Variants in TMEM132D observed in about 807,000 individuals in gnomAD.
TMEM132D encodes the protein transmembrane protein 132D.
In TMEM132D, 21 loss-of-function variants were observed where a neutral mutation model predicts 62.3. The observed-to-expected ratio is 0.34, with a 90% CI of 0.24 to 0.49. The LOEUF (loss-of-function observed/expected upper bound fraction) is 0.49. Ranked by LOEUF, TMEM132D falls within the 20% of genes least tolerant of loss-of-function variation. The probability of loss-of-function intolerance (pLI) is 0.99; values close to 1 mark genes in which losing one functional copy is unlikely to be tolerated. For synonymous variants in TMEM132D, 621 were observed against 575.6 expected (o/e 1.08, Z -1.13); for missense variants, 1,346 against 1,402.8 (o/e 0.96, Z 0.65).
chr12:129,090,463 G>A (rs1304893824), intron 5 of TMEM132D, among the ~76,000 whole-genome samples: 4 of 152,110 alleles, frequency 2.6e-5, no homozygotes, highest in Non-Finnish European at 5.9e-5. Flanking sequence ...TCAGGAGTTC[G>A]AGACCAGCCT....
At position 129,298,976 on chromosome 12, in the gene TMEM132D, C is replaced by G. The variant is rs78120238; in HGVS notation, c.1299+38658G>C. ...GCTTTTGCCATTCAAAACACTTGTT[C>G]TATTAAGAACTTTGATGTCAGAACC... On this transcript the variant is annotated intron_variant, in intron 4 of 8. Transcript: ENST00000422113. 9.2e-3 allele frequency among the ~76,000 whole-genome samples: 1,397 copies of G among 152,310 alleles called. 29 individuals carry two copies. The highest frequency in any genetic ancestry group is 0.032 in the African/African-American group (1,310 of 41,572).
At chr12:129,691,409 A>G (rs1014571431) in intron 2 of TMEM132D, among the ~76,000 whole-genome samples, 4 of 152,024 alleles carry the variant, frequency 2.6e-5, no homozygotes, top group Non-Finnish European at 5.9e-5. Flanking sequence ...TTCTTTGAAA[A>G]TATCAATAAA....
intron 2 of TMEM132D, among the ~76,000 whole-genome samples, chr12:129,616,262 C>T (rs940780943): frequency 7.9e-5 from 12 of 152,108 alleles, no homozygotes; most frequent in South Asian, 2.1e-4. Flanking sequence ...GATGCATCAG[C>T]GCCCCAATCT....
intron 5 of TMEM132D, among the ~76,000 whole-genome samples, chr12:129,164,337 C>T (rs1402414984): frequency 1.3e-5 from 2 of 152,212 alleles, no homozygotes; most frequent in Non-Finnish European, 2.9e-5. Context: ...AGGCTTGTCC[C>T]CAACAATGTG....
At chr12:129,173,291 GA>G (rs1379207149) in intron 5 of TMEM132D, among the ~76,000 whole-genome samples, 1 of 152,140 alleles carries the variant, frequency 6.6e-6, no homozygotes, top group Non-Finnish European at 1.5e-5. Flanking sequence ...TTGGATATAA[GA>G]AAAGTCTTCA....
At chr12:129,713,197 C>T (rs1366787251) in intron 1 of TMEM132D, among the ~76,000 whole-genome samples, 1 of 152,098 alleles carries the variant, frequency 6.6e-6, no homozygotes, top group African/African-American at 2.4e-5. Flanking sequence ...GCTCTAGGGG[C>T]CCAACCTCCA....
intron 2 of TMEM132D, among the ~76,000 whole-genome samples, chr12:129,600,997 C>G (rs1279739973): frequency 2.6e-5 from 4 of 152,142 alleles, no homozygotes; most frequent in Admixed American, 2.6e-4. Context: ...GACTTCTCCT[C>G]TCTAGCTATG....
chr12:129,854,544 G>A (rs1873654567), intron 1 of TMEM132D: 1 of 152,194 alleles, frequency 6.6e-6, no homozygotes, highest in African/African-American at 2.4e-5. Context: ...TCATGAAAGA[G>A]TGAGAAAAAA....
intron 5 of TMEM132D, among the ~76,000 whole-genome samples, chr12:129,192,586 A>T (rs2135557118): frequency 6.6e-6 from 1 of 152,296 alleles, no homozygotes; most frequent in Middle Eastern, 3.4e-3. Context: ...ATATAATCTC[A>T]AATTTAGGGT....
At chr12:129,669,481 G>T (rs1214474076) in intron 2 of TMEM132D, among the ~76,000 whole-genome samples, 1 of 152,160 alleles carries the variant, frequency 6.6e-6, no homozygotes, top group Non-Finnish European at 1.5e-5. Context: ...GAGGTGGGCA[G>T]ATCACCTGAG....
chr12:129,717,865 G>T (rs1397352113), intron 1 of TMEM132D, among the ~76,000 whole-genome samples: 1 of 152,146 alleles, frequency 6.6e-6, no homozygotes, highest in Admixed American at 6.5e-5. Flanking sequence ...TTCAAGTTGT[G>T]AATGTCTCAA....
At chr12:129,615,795 C>CAAAATAAAATAAAAT (rs767430381) in intron 2 of TMEM132D, among the ~76,000 whole-genome samples, 336 of 139,112 alleles carry the variant, frequency 2.4e-3, no homozygotes, top group African/African-American at 5.1e-3. Flanking sequence ...CAAAACAAAA[C>CAAAATAAAATAAAAT]AAAATAAAAT....
intron 4 of TMEM132D, among the ~76,000 whole-genome samples, chr12:129,300,422 C>T (rs1214656510): frequency 6.6e-6 from 1 of 152,184 alleles, no homozygotes; most frequent in African/African-American, 2.4e-5. Flanking sequence ...TCACTGAGCA[C>T]CCACCTAACT....
chr12:129,739,575 C>T (rs116957589), intron 1 of TMEM132D, among the ~76,000 whole-genome samples: 1,608 of 152,292 alleles, frequency 0.011, 10 homozygotes, highest in Middle Eastern at 0.027. Context: ...GGTATCTAAT[C>T]AAAATTCCTT....
At chr12:129,703,608 A>C (rs1277757101) in intron 1 of TMEM132D, among the ~76,000 whole-genome samples, 1 of 152,150 alleles carries the variant, frequency 6.6e-6, no homozygotes, top group Non-Finnish European at 1.5e-5. Context: ...TTTAACATAA[A>C]AATTAGCAAA....
chr12:129,450,447 A>C (rs902631054), intron 3 of TMEM132D, among the ~76,000 whole-genome samples: 3 of 152,182 alleles, frequency 2.0e-5, no homozygotes, highest in Admixed American at 1.3e-4. Flanking sequence ...TGCACCCCTG[A>C]ACTTAAAAGT....
chr12:129,664,361 G>T (rs1880318843), intron 2 of TMEM132D, among the ~76,000 whole-genome samples: 1 of 152,052 alleles, frequency 6.6e-6, no homozygotes, highest in African/African-American at 2.4e-5. Context: ...TGTGCTAATG[G>T]AGGGAAATTT....
intron 1 of TMEM132D, among the ~76,000 whole-genome samples, chr12:129,804,577 C>T (rs1871909736): frequency 6.8e-6 from 1 of 146,454 alleles, no homozygotes; most frequent in Non-Finnish European, 1.5e-5. Flanking sequence ...AACCCACAGC[C>T]AATATCATAC....
chr12:129,319,435 G>A (rs2135641894), intron 4 of TMEM132D, among the ~76,000 whole-genome samples: 1 of 152,270 alleles, frequency 6.6e-6, no homozygotes, highest in Middle Eastern at 3.4e-3. Flanking sequence ...TCACAGTTGG[G>A]GCACCCACAG....
Sources: gnomAD v4.1 joint callset for allele counts (sites outside exome capture counted in the v4.1 genomes callset) on GRCh38, gnomAD v4.1.1 for gene constraint, MANE v1.5 for transcripts, NCBI Gene and HGNC (gene_info 2026-07-23, HGNC 2026-07-21) for gene names.